PIEZO1: variants seen among roughly 807,000 people sequenced by gnomAD.
The protein encoded by PIEZO1 is piezo type mechanosensitive ion channel component 1 (Er blood group), also known as piezo-type mechanosensitive ion channel component 1.
A neutral mutation model predicts 297.2 loss-of-function variants in PIEZO1; 296 were observed. That is an observed-to-expected ratio of 1.00 (90% CI 0.91 to 1.10). The LOEUF (loss-of-function observed/expected upper bound fraction) is 1.10. Ranked by LOEUF, PIEZO1 falls within the 50% of genes least tolerant of loss-of-function variation. PIEZO1 has a pLI of 0.00. For missense variants in PIEZO1, 5,018 were observed against 3,455.5 expected, an observed-to-expected ratio of 1.45 and a Z score of -11.34; for synonymous variants, 2,427 against 1,507.5, an observed-to-expected ratio of 1.61 and a Z score of -14.13.
chr16:88,741,950 G>T (rs1905705552), intron 4 of PIEZO1, 103 bp downstream of exon 4: 1 of 1,292,102 alleles, frequency 7.7e-7, no homozygotes, highest in Non-Finnish European at 1.1e-6. Flanking sequence ...GAGTGTGGAT[G>T]AGTCTCCAGG....
intron 21 of PIEZO1, 49 bp from the exon 22 acceptor site, chr16:88,731,959 A>AGGGCGGGGCGT (rs1555555063): frequency 4.6e-5 from 3 of 64,650 alleles, no homozygotes; most frequent in East Asian, 7.4e-4. Flanking sequence ...GTCTGGGGGG[A>AGGGCGGGGCGT]GGGACTTTCT....
Position 88,722,035 on chromosome 16 carries a change from C to T in PIEZO1, c.4987G>A (p.Glu1663Lys). 2.6e-6 allele frequency: 4 copies of T among 1,547,822 alleles called. No individual in the cohort carries two copies. The highest frequency in any genetic ancestry group is 2.4e-5 in the East Asian group (1 of 40,898). The change falls in exon 37 of 51, where the codon GAG becomes AAG. Residue 1663 changes from glutamate to lysine, a missense_variant. Coordinates refer to ENST00000301015, the MANE Select transcript of PIEZO1 (RefSeq NM_001142864.4). ...RLRIPELEEA[E>K]LFAEGQGRAL... ...CGGCCCTGCCCCTCCGCAAACAGCTCTGCCTCCTCCAGCTCTGGGATGCGC... is the reference window on the plus strand; with the variant it reads ...CGGCCCTGCCCCTCCGCAAACAGCTTTGCCTCCTCCAGCTCTGGGATGCGC...
At chr16:88,777,193 G>C (rs370293514) in intron 1 of PIEZO1, among the ~76,000 whole-genome samples, 1 of 152,226 alleles carries the variant, frequency 6.6e-6, no homozygotes, top group Non-Finnish European at 1.5e-5. Flanking sequence ...GGCTGGTCTT[G>C]AACTCCTGGC....
Position 88,724,993 on chromosome 16 carries a change from G to C in PIEZO1, c.4234+16C>G, listed in dbSNP as rs1235540085. ...GGGCCTGAGAGGGTGGCCACAGGCG[G>C]CCTAATTGGGGGTACCTGTGGCGTG... is the stretch of plus-strand genomic sequence containing the variant. On this transcript the variant is annotated intron_variant, in intron 30 of 50. Coordinates refer to ENST00000301015, the MANE Select transcript of PIEZO1 (RefSeq NM_001142864.4). 1.4e-6 allele frequency: 2 copies of C among 1,447,416 alleles called. No homozygotes were observed. The highest frequency in any genetic ancestry group is 1.8e-6 in the Non-Finnish European group (2 of 1,095,476). 89.7% of individuals were successfully genotyped at this position (1,447,416 alleles called of 1,614,324 possible).
intron 2 of PIEZO1, 149 bp from the exon 3 acceptor site, chr16:88,742,571 G>T (rs1905756123): frequency 2.6e-6 from 2 of 778,878 alleles, no homozygotes; most frequent in African/African-American, 1.7e-5. Flanking sequence ...CATCAGGCAG[G>T]CCGGCCAGCC....
At chr16:88,716,169 C>A (rs1312938273) in intron 49 of PIEZO1, 29 bp downstream of exon 49, 2 of 1,516,572 alleles carry the variant, frequency 1.3e-6, no homozygotes. Flanking sequence ...CCCTCTCTAG[C>A]CTCCCCCAAC....
chr16:88,715,911 G>GC (rs3214887), intron 50 of PIEZO1, 22 bp downstream of exon 50: 46 of 1,544,274 alleles, frequency 3.0e-5, no homozygotes, highest in African/African-American at 1.6e-4. Flanking sequence ...GCTGCGGGGT[G>GC]CCCCCCCAGC....
intron 5 of PIEZO1, chr16:88,739,896 A>G (rs897905640): frequency 2.0e-5 from 3 of 152,380 alleles, no homozygotes; most frequent in Non-Finnish European, 4.4e-5. Flanking sequence ...AGCCGTGAAA[A>G]ATGAGCATTT....
At chr16:88,723,839 G>A (rs1319345129) in intron 31 of PIEZO1, 32 bp downstream of exon 31, 1 of 1,142,812 alleles carries the variant, frequency 8.8e-7, no homozygotes, top group African/African-American at 1.5e-5. Context: ...CTCTGTGGTT[G>A]GAGTGGGGCC....
rs143814628 is a variant in PIEZO1, at chr16:88,726,505, G to A, written c.3796+42C>T. 107 of 1,546,726 alleles carry A rather than the reference G, an allele frequency of 6.9e-5. No individual in the cohort carries two copies. The African/African-American group carries it at 1.2e-3, about 17-fold the overall frequency. On this transcript the variant is annotated intron_variant, in intron 26 of 50. Transcript: ENST00000301015. The stretch of plus-strand genomic sequence containing the variant: ...TCAGGCCCAGGGCCCAGGAGCAGGG[G>A]GCTTCCCCACGCCCTCCCCCGCCAC...
intron 1 of PIEZO1, among the ~76,000 whole-genome samples, chr16:88,763,486 T>G (rs1201490790): frequency 6.6e-6 from 1 of 152,180 alleles, no homozygotes; most frequent in Non-Finnish European, 1.5e-5. Context: ...AAGACCAACC[T>G]GGGCAACACA....
chr16:88,760,169 C>T (rs1333954353), intron 1 of PIEZO1, among the ~76,000 whole-genome samples: 1 of 151,954 alleles, frequency 6.6e-6, no homozygotes, highest in African/African-American at 2.4e-5. Context: ...TCCGTGCCCT[C>T]AGTGACAGTG....
intron 2 of PIEZO1, chr16:88,743,088 G>T (rs773945579): frequency 2.2e-5 from 10 of 456,588 alleles, no homozygotes; most frequent in South Asian, 1.5e-4. Flanking sequence ...GGCAGGAAGC[G>T]GCAGCACCAT....
intron 1 of PIEZO1, among the ~76,000 whole-genome samples, chr16:88,781,899 C>T (rs376331260): frequency 1.3e-5 from 2 of 152,232 alleles, no homozygotes; most frequent in Non-Finnish European, 2.9e-5. Flanking sequence ...AAGGAGGTGA[C>T]GCCCAGCTTG....
intron 1 of PIEZO1, among the ~76,000 whole-genome samples, chr16:88,771,542 C>T (rs553399842): frequency 6.6e-6 from 1 of 152,242 alleles, no homozygotes; most frequent in Non-Finnish European, 1.5e-5. Flanking sequence ...GGGCCACACA[C>T]GCCCAAGCCT....
chr16:88,746,643 C>T (rs1464639624), intron 2 of PIEZO1, among the ~76,000 whole-genome samples: 1 of 152,178 alleles, frequency 6.6e-6, no homozygotes, highest in Non-Finnish European at 1.5e-5. Flanking sequence ...GGGCAAGCCT[C>T]ACACTTTCCT....
At chr16:88,757,796 A>T (rs1368562254) in intron 1 of PIEZO1, among the ~76,000 whole-genome samples, 1 of 152,118 alleles carries the variant, frequency 6.6e-6, no homozygotes. Context: ...CACCCCACAG[A>T]CAGGCGAACT....
At chr16:88,746,901 C>T (rs530201170) in intron 2 of PIEZO1, among the ~76,000 whole-genome samples, 1 of 152,248 alleles carries the variant, frequency 6.6e-6, no homozygotes, top group East Asian at 1.9e-4. Flanking sequence ...ACCGGCTCCA[C>T]AGAGCAAAGG....
intron 15 of PIEZO1, 24 bp downstream of exon 15, chr16:88,734,626 C>A (rs987439595): frequency 1.6e-5 from 25 of 1,549,858 alleles, no homozygotes; most frequent in Non-Finnish European, 2.0e-5. Flanking sequence ...GCGCCCCTGC[C>A]CCACCGCCCC....
Sources: gnomAD v4.1 joint callset for allele counts (sites outside exome capture counted in the v4.1 genomes callset) on GRCh38, gnomAD v4.1.1 for gene constraint, MANE v1.5 for transcripts, NCBI Gene and HGNC (gene_info 2026-07-23, HGNC 2026-07-21) for gene names.